Variants in ANKIB1 observed in about 807,000 individuals in gnomAD.
ANKIB1 encodes the protein ankyrin repeat and IBR domain-containing protein 1.
In ANKIB1, 43 loss-of-function variants were observed where a neutral mutation model predicts 122.1. That is an observed-to-expected ratio of 0.35 (90% CI 0.28 to 0.45). The LOEUF (loss-of-function observed/expected upper bound fraction) is 0.45. ANKIB1 is among the 20% of genes least tolerant of loss of function. The pLI is 1.00. For synonymous variants in ANKIB1, 390 were observed against 442.0 expected, an observed-to-expected ratio of 0.88 and a Z score of 1.48; for missense variants, 992 against 1,329.5, an observed-to-expected ratio of 0.75 and a Z score of 3.95.
At chr7:92,279,679 A>T (rs895510578) in intron 1 of ANKIB1, among the ~76,000 whole-genome samples, 18 of 152,220 alleles carry the variant, frequency 1.2e-4, no homozygotes, top group Non-Finnish European at 7.3e-5. Flanking sequence ...GGTTTTAGCT[A>T]ATAGGCCCAG....
intron 1 of ANKIB1, among the ~76,000 whole-genome samples, chr7:92,248,414 C>G (rs184727077): frequency 1.3e-5 from 2 of 152,126 alleles, no homozygotes; most frequent in Non-Finnish European, 2.9e-5. Flanking sequence ...TTTCTTTCCT[C>G]TTTCTTTTCT....
At chr7:92,357,159 GC>G (rs1007442111) in intron 9 of ANKIB1, among the ~76,000 whole-genome samples, 1 of 152,170 alleles carries the variant, frequency 6.6e-6, no homozygotes, top group African/African-American at 2.4e-5. Flanking sequence ...CAAGAAGAGA[GC>G]CATTCCTTGA....
chr7:92,339,838 A>G (rs1035683631), intron 5 of ANKIB1, among the ~76,000 whole-genome samples: 13 of 139,490 alleles, frequency 9.3e-5, no homozygotes, highest in Non-Finnish European at 1.6e-4. Context: ...TAGGTTGTCT[A>G]TCATTTTTTC....
intron 10 of ANKIB1, among the ~76,000 whole-genome samples, chr7:92,368,195 A>G (rs973617365): frequency 2.6e-4 from 39 of 151,752 alleles, no homozygotes; most frequent in African/African-American, 8.7e-4. Flanking sequence ...TTTAAAAGCA[A>G]CTGTTCACAT....
At chr7:92,396,611 AG>A in intron 18 of ANKIB1, 135 bp downstream of exon 18, 1 of 601,288 alleles carries the variant, frequency 1.7e-6, no homozygotes, top group South Asian at 2.0e-5. Context: ...CTGTTGTGAC[AG>A]GACACAGAAA....
chr7:92,355,876 ATAATAATAATAG>A (rs1439277604), intron 9 of ANKIB1, among the ~76,000 whole-genome samples: 156 of 148,520 alleles, frequency 1.1e-3, no homozygotes, highest in African/African-American at 3.6e-3. Context: ...AATAATAATA[ATAATAATAATAG>A]TAATAGTAAT....
chr7:92,320,361 G>A (rs933652730), intron 4 of ANKIB1, among the ~76,000 whole-genome samples: 1 of 152,202 alleles, frequency 6.6e-6, no homozygotes, highest in South Asian at 2.1e-4. Flanking sequence ...GTGACATGTT[G>A]CCAAATTTAG....
intron 5 of ANKIB1, among the ~76,000 whole-genome samples, chr7:92,335,148 T>C (rs1398988406): frequency 6.6e-6 from 1 of 151,934 alleles, no homozygotes; most frequent in East Asian, 1.9e-4. Context: ...TAAAATATTT[T>C]AAAATTTCTC....
At chr7:92,247,556 A>C (rs1314878221) in intron 1 of ANKIB1, among the ~76,000 whole-genome samples, 2 of 152,238 alleles carry the variant, frequency 1.3e-5, no homozygotes, top group Non-Finnish European at 2.9e-5. Context: ...ATGTCTTCAA[A>C]GTATATTTTC....
At chr7:92,331,027 G>A (rs1803161774) in intron 5 of ANKIB1, among the ~76,000 whole-genome samples, 1 of 152,136 alleles carries the variant, frequency 6.6e-6, no homozygotes, top group African/African-American at 2.4e-5. Context: ...TGCAAGGTCT[G>A]CATTTAAATA....
intron 1 of ANKIB1, among the ~76,000 whole-genome samples, chr7:92,257,491 A>C (rs1404455471): frequency 1.3e-5 from 2 of 152,204 alleles, no homozygotes; most frequent in African/African-American, 4.8e-5. Context: ...GAAAGCAATT[A>C]TAAAAATAAA....
intron 9 of ANKIB1, among the ~76,000 whole-genome samples, chr7:92,353,855 C>T (rs1803718966): frequency 6.6e-6 from 1 of 152,186 alleles, no homozygotes; most frequent in Non-Finnish European, 1.5e-5. Flanking sequence ...ACAGAGACTT[C>T]ATGGCCCACA....
intron 1 of ANKIB1, among the ~76,000 whole-genome samples, chr7:92,292,856 C>T (rs968372892): frequency 2.0e-5 from 3 of 152,090 alleles, no homozygotes; most frequent in Admixed American, 1.3e-4. Context: ...CAAAATGCTA[C>T]CAGTGGTTTT....
Position 92,370,508 on chromosome 7 carries a change from C to CAAAAAA in ANKIB1, c.1487-942_1487-937dup, listed in dbSNP as rs34318038. On this transcript the variant is annotated intron_variant, in intron 10 of 19. Coordinates refer to ENST00000265742, the MANE Select transcript of ANKIB1 (RefSeq NM_019004.2). ...GGGTGACAGAGCAAGACTCTTGTCT[C>CAAAAAA]AAAAAAAAAAAAAAAAAAAAAAAAA... Among the ~76,000 whole-genome samples the CAAAAAA allele has an allele frequency of 6.1e-4, 20 of 32,988 alleles. 1 individual carries two copies. The highest frequency in any genetic ancestry group is 1.4e-3 in the Non-Finnish European group (18 of 13,308). The allele number at this position is 32,988 out of a possible 152,430, so 21.6% of individuals were successfully genotyped here.
At chr7:92,321,582 T>C (rs1311068017) in intron 4 of ANKIB1, among the ~76,000 whole-genome samples, 1 of 152,224 alleles carries the variant, frequency 6.6e-6, no homozygotes, top group Non-Finnish European at 1.5e-5. Flanking sequence ...AAAGAAATTA[T>C]AACACAGTAA....
intron 17 of ANKIB1, among the ~76,000 whole-genome samples, chr7:92,395,538 C>CTTTT (rs35028119): frequency 1.1e-4 from 12 of 108,286 alleles, no homozygotes; most frequent in Non-Finnish European, 1.9e-4. Context: ...ATCCCAGTCA[C>CTTTT]TTTTTTTTTT....
chr7:92,320,526 C>G (rs950751591), intron 4 of ANKIB1, among the ~76,000 whole-genome samples: 43 of 152,152 alleles, frequency 2.8e-4, no homozygotes, highest in African/African-American at 9.7e-4. Flanking sequence ...TAAATATTAC[C>G]TCTGTCCACT....
intron 9 of ANKIB1, among the ~76,000 whole-genome samples, chr7:92,357,261 C>T (rs1803834769): frequency 6.6e-6 from 1 of 151,714 alleles, no homozygotes; most frequent in African/African-American, 2.4e-5. Context: ...AATCTTTTAC[C>T]AGGGTACTTT....
chr7:92,307,487 C>T lies in ANKIB1; in HGVS notation c.317C>T (p.Pro106Leu). Residue 106 changes from proline (P) to leucine (L), a missense_variant, in exon 3 of 20, where the codon CCC becomes CTC. Physicochemically the swap from Pro to Leu is moderately conservative, Grantham distance 98. This residue lies in a region of ANKIB1 where 33 missense variants were observed against 27.5 expected (regional missense o/e 1.20). Transcript: ENST00000265742. ...GCCCTTCATCCTCGCTTGGCACGCC[C>T]CACAGAAGATGATTTCAGAAGAGCA... ...EGALHPRLAR[P>L]TEDDFRRADC... 1 of 1,613,868 alleles carries T rather than the reference C, an allele frequency of 6.2e-7. No homozygotes were observed. Among genetic ancestry groups the T allele is most frequent in the South Asian group, 1.1e-5 (1 of 91,086 alleles).
Sources: gnomAD v4.1 joint callset for allele counts (sites outside exome capture counted in the v4.1 genomes callset) on GRCh38, gnomAD v4.1.1 for gene constraint, gnomAD v4.1.1 regional missense constraint, MANE v1.5 for transcripts, NCBI Gene and HGNC (gene_info 2026-07-23, HGNC 2026-07-21) for gene names.